The following LRPPRC variants were observed in gnomAD, a reference collection of about 807,000 sequenced individuals.
LRPPRC encodes the protein leucine-rich PPR motif-containing protein, mitochondrial.
In LRPPRC, 120 loss-of-function variants were observed where a neutral mutation model predicts 180.3. The ratio of observed to expected loss-of-function variants is 0.67; its 90% CI spans 0.57 to 0.77. The LOEUF (loss-of-function observed/expected upper bound fraction) is 0.77. LRPPRC is among the 30% of genes least tolerant of loss of function. The probability of loss-of-function intolerance (pLI) is 0.00; values close to 1 mark genes in which losing one functional copy is unlikely to be tolerated. For synonymous variants in LRPPRC, 723 were observed against 600.0 expected, an observed-to-expected ratio of 1.21 and a Z score of -3.00; for missense variants, 2,012 against 1,657.2, an observed-to-expected ratio of 1.21 and a Z score of -3.72.
At chr2:43,969,409 CAA>C (rs58376536) in intron 11 of LRPPRC, among the ~76,000 whole-genome samples, 42 of 113,000 alleles carry the variant, frequency 3.7e-4, no homozygotes, top group Non-Finnish European at 2.9e-4. Flanking sequence ...GACTCCATCT[CAA>C]AAAAAAAAAA....
intron 16 of LRPPRC, among the ~76,000 whole-genome samples, chr2:43,949,329 T>C (rs1220326324): frequency 6.6e-6 from 1 of 152,186 alleles, no homozygotes; most frequent in Non-Finnish European, 1.5e-5. Context: ...GAATCACTGA[T>C]TTTTAAGCCT....
intron 1 of LRPPRC, among the ~76,000 whole-genome samples, chr2:43,990,242 A>T (rs1674715053): frequency 1.3e-5 from 2 of 152,014 alleles, no homozygotes; most frequent in Non-Finnish European, 1.5e-5. Context: ...AGTAATCAGC[A>T]TCTATTCTAA....
At chr2:43,960,859 C>G (rs757189739) in intron 12 of LRPPRC, among the ~76,000 whole-genome samples, 4 of 152,122 alleles carry the variant, frequency 2.6e-5, no homozygotes, top group Non-Finnish European at 4.4e-5. Flanking sequence ...TTTAGAGGGC[C>G]TTACTTCCAG....
At chr2:43,996,008 C>T (rs898041868), upstream of LRPPRC, 11 of 1,506,512 alleles carry the variant, frequency 7.3e-6, no homozygotes, top group Admixed American at 6.1e-5. Context: ...GAGCATGTGA[C>T]CGCAGGGTAG....
intron 1 of LRPPRC, among the ~76,000 whole-genome samples, chr2:43,993,635 G>A (rs572457717): frequency 6.6e-6 from 1 of 151,642 alleles, no homozygotes; most frequent in Non-Finnish European, 1.5e-5. Context: ...TCAGAGTCCA[G>A]GAAAAAGAGG....
chr2:43,889,806 A>T lies in LRPPRC; in HGVS notation c.4056T>A (p.Asp1352Glu), dbSNP rs146630100. The T allele has an allele frequency of 3.8e-5, 61 of 1,610,250 alleles. No homozygotes were observed. Among genetic ancestry groups the T allele is most frequent in the Non-Finnish European group, 5.1e-6 (6 of 1,176,512 alleles). Residue 1352 changes from aspartate (D) to glutamate (E), a missense_variant, in exon 37 of 38, where the codon GAT becomes GAA. Asp to Glu is a conservative substitution (Grantham distance 45). Transcript: ENST00000260665. ...ATGCGTAACGCTTTAGAAACAGATC[A>T]TCCAATTTTGTATTCTTTGCAGTCA... ...EHLTAKNTKLDDLFLKRYASL... is the reference protein window; with the variant it reads ...EHLTAKNTKLEDLFLKRYASL...
chr2:43,983,654 G>A (rs1674407221), intron 1 of LRPPRC, among the ~76,000 whole-genome samples: 1 of 152,040 alleles, frequency 6.6e-6, no homozygotes, highest in Admixed American at 6.5e-5. Flanking sequence ...TAACAACTAA[G>A]TATAATATAA....
rs763457460 is a variant in LRPPRC, at chr2:43,947,381, GA to G, written c.1966-12del. The G allele has an allele frequency of 1.6e-5, 22 of 1,362,022 alleles. No individual in the cohort carries two copies. The highest frequency in any genetic ancestry group is 2.0e-5 in the Non-Finnish European group (19 of 953,802). The allele number at this position is 1,362,022 out of a possible 1,614,324, so 84.4% of individuals were successfully genotyped here. On this transcript the variant is annotated splice_polypyrimidine_tract_variant and intron_variant, in intron 19 of 37. Coordinates refer to ENST00000260665, the MANE Select transcript of LRPPRC (RefSeq NM_133259.4). Reference sequence around the variant, plus strand: ...TGTAAGTTGCACAGTCTACAGAAAAGAAAAAAGAAAAGAAAAATTTCCTGAA... The same window carrying G: ...TGTAAGTTGCACAGTCTACAGAAAAGAAAAAGAAAAGAAAAATTTCCTGAA...
intron 6 of LRPPRC, among the ~76,000 whole-genome samples, chr2:43,975,711 T>C (rs564999676): frequency 1.3e-5 from 2 of 152,114 alleles, no homozygotes; most frequent in South Asian, 4.2e-4. Context: ...GACTCCCAAG[T>C]AGCTGGGATT....
chr2:43,906,495 C>T (rs1016219531), intron 30 of LRPPRC, among the ~76,000 whole-genome samples: 1 of 152,018 alleles, frequency 6.6e-6, no homozygotes, highest in African/African-American at 2.4e-5. Flanking sequence ...AACAGAAAAC[C>T]CCAAAACCTA....
chr2:43,944,088 G>A lies in LRPPRC; in HGVS notation c.2297-194C>T, dbSNP rs935647273. On this transcript the variant is annotated intron_variant, in intron 22 of 37. Transcript: ENST00000260665. ...AATAGCATGGTTTTATCATTTCCCT[G>A]CAACTTTGACTACAAATTATAGATA... Among the ~76,000 whole-genome samples the A allele has an allele frequency of 3.3e-5, 5 of 152,064 alleles. No homozygotes were observed. The East Asian group carries it at 7.7e-4, about 23-fold the overall frequency.
At chr2:43,902,120 C>T (rs1670911853) in intron 31 of LRPPRC, 1 of 154,578 alleles carries the variant, frequency 6.5e-6, no homozygotes, top group Non-Finnish European at 1.4e-5. Context: ...ACAGACAGTC[C>T]CTGACTTACG....
chr2:43,893,888 T>G (rs1326682466), intron 36 of LRPPRC, among the ~76,000 whole-genome samples: 1 of 152,178 alleles, frequency 6.6e-6, no homozygotes, highest in Non-Finnish European at 1.5e-5. Context: ...AGCAATTCTT[T>G]ATTTACCCCA....
rs1378161506 is a variant in LRPPRC, at chr2:43,918,363, A to G, written c.2932T>C (p.Trp978Arg). The G allele has an allele frequency of 1.9e-6, 3 of 1,611,058 alleles. No individual in the cohort carries two copies. Among genetic ancestry groups the G allele is most frequent in the Non-Finnish European group, 2.5e-6 (3 of 1,177,220 alleles). ...NGDWQRADAV[W>R]NKIQEENVIP... ...ACATTTTCTTCTTGGATTTTATTCC[A>G]GACTGCATCAGCTCTTTGCCAGTCA... The change falls in exon 28 of 38, where the codon TGG becomes CGG. Residue 978 changes from tryptophan (W) to arginine (R), a missense_variant. Trp to Arg is a moderately radical substitution (Grantham distance 101). Transcript: ENST00000260665.
At position 43,948,480 on chromosome 2, in the gene LRPPRC, T is replaced by A. The variant is rs778102270; in HGVS notation, c.1774A>T (p.Met592Leu). 4 of 1,611,634 alleles carry A rather than the reference T, an allele frequency of 2.5e-6. No individual in the cohort carries two copies. The East Asian group carries it at 8.9e-5, about 36-fold the overall frequency. ...TTGGCCTGTACCTCTGAGTCACTCA[T>A]GCTGTCAATCAAGTTATAAAGAAAA... is the stretch of plus-strand genomic sequence containing the variant. ...GYFLYNLIDS[M>L]SDSEVQAKEE... The change falls in exon 17 of 38, where the codon ATG (methionine) becomes TTG (leucine). Residue 592 changes from methionine (M) to leucine (L), a missense_variant. Physicochemically the swap from Met to Leu is conservative, Grantham distance 15. Transcript: ENST00000260665.
intron 31 of LRPPRC, chr2:43,901,935 A>G (rs1192123816): frequency 5.9e-6 from 1 of 168,604 alleles, no homozygotes; most frequent in Admixed American, 5.9e-5. Flanking sequence ...GATCATCAAA[A>G]CTTAATATCC....
chr2:43,977,370 T>C (rs1674105151), intron 3 of LRPPRC, 94 bp from the exon 4 acceptor site: 1 of 985,172 alleles, frequency 1.0e-6, no homozygotes, highest in Non-Finnish European at 1.6e-6. Context: ...AGAGTAAAAC[T>C]ATCACTTTAG....
At chr2:43,947,899 G>C (rs116738214) in intron 18 of LRPPRC, 124 bp from the exon 19 acceptor site, 6 of 722,422 alleles carry the variant, frequency 8.3e-6, no homozygotes, top group East Asian at 2.6e-5. Flanking sequence ...CAAAATTTTA[G>C]ACATTCTCTT....
chr2:43,935,838 T>C (rs1438814610), intron 23 of LRPPRC, among the ~76,000 whole-genome samples: 1 of 152,116 alleles, frequency 6.6e-6, no homozygotes, highest in East Asian at 1.9e-4. Context: ...CAAGACCAGG[T>C]GCGGTGGCTC....
Sources: allele counts gnomAD v4.1 joint callset (sites outside exome capture counted in the v4.1 genomes callset), GRCh38; gene constraint gnomAD v4.1.1; transcripts MANE v1.5; gene names NCBI Gene and HGNC (gene_info 2026-07-23, HGNC 2026-07-21).